The following IQGAP2 variants were observed in gnomAD, a reference collection of about 807,000 sequenced individuals.
IQGAP2 encodes IQ motif containing GTPase activating protein 2, also known as ras GTPase-activating-like protein IQGAP2.
IQGAP2 carries 173 observed loss-of-function variants against 201.3 expected under a neutral mutation model. The ratio of observed to expected loss-of-function variants is 0.86; its 90% CI spans 0.76 to 0.98. The LOEUF (loss-of-function observed/expected upper bound fraction) is 0.98, where lower values mean the gene tolerates loss of function less well. IQGAP2 is among the 50% of genes least tolerant of loss of function. The pLI is 0.00. For synonymous variants in IQGAP2, 675 were observed against 673.9 expected (o/e 1.00, Z -0.03); for missense variants, 1,687 against 1,864.8 (o/e 0.90, Z 1.76).
At chr5:76,412,961 A>G (rs900183254) in intron 1 of IQGAP2, among the ~76,000 whole-genome samples, 1 of 152,060 alleles carries the variant, frequency 6.6e-6, no homozygotes, top group African/African-American at 2.4e-5. Flanking sequence ...GTGTGCTCCC[A>G]TGGAGTCAAC....
chr5:76,593,054 T>G, intron 9 of IQGAP2, 129 bp downstream of exon 9: 1 of 691,320 alleles, frequency 1.4e-6, no homozygotes, highest in Non-Finnish European at 2.6e-6. Context: ...ATCTACTCAG[T>G]GTCAGTGTTG....
At chr5:76,656,584 A>C (rs1486043974) in intron 20 of IQGAP2, among the ~76,000 whole-genome samples, 1 of 151,976 alleles carries the variant, frequency 6.6e-6, no homozygotes, top group Non-Finnish European at 1.5e-5. Context: ...GATGACTTCA[A>C]AATAAATTTT....
chr5:76,622,958 A>G (rs1344778278), intron 13 of IQGAP2, among the ~76,000 whole-genome samples: 1 of 152,230 alleles, frequency 6.6e-6, no homozygotes, highest in Non-Finnish European at 1.5e-5. Context: ...TTTAAACATC[A>G]GGAGGGAACA....
chr5:76,656,039 A>G (rs1432905165), intron 20 of IQGAP2, among the ~76,000 whole-genome samples: 2 of 152,202 alleles, frequency 1.3e-5, no homozygotes, highest in African/African-American at 4.8e-5. Context: ...ATGGCTCAAG[A>G]AAGATCTTCC....
At chr5:76,579,589 T>C (rs1561480212) in intron 5 of IQGAP2, among the ~76,000 whole-genome samples, 1 of 152,026 alleles carries the variant, frequency 6.6e-6, no homozygotes, top group Non-Finnish European at 1.5e-5. Flanking sequence ...CATTGTATAA[T>C]CCATTGTCCT....
intron 33 of IQGAP2, among the ~76,000 whole-genome samples, chr5:76,698,423 A>G (rs1158641322): frequency 6.6e-6 from 1 of 152,216 alleles, no homozygotes; most frequent in Non-Finnish European, 1.5e-5. Flanking sequence ...CACTTTCATT[A>G]TTCCTTTTGT....
chr5:76,623,308 G>C, intron 13 of IQGAP2: 2 of 1,526,252 alleles, frequency 1.3e-6, no homozygotes, highest in Non-Finnish European at 1.8e-6. Flanking sequence ...TCAGTTCCAT[G>C]TGTCAGCAGC....
chr5:76,441,511 AT>A (rs2150104565), intron 1 of IQGAP2: 1 of 985,422 alleles, frequency 1.0e-6, no homozygotes, highest in African/African-American at 1.7e-5. Flanking sequence ...GAAAGCGAGC[AT>A]GTTGGTAAGA....
In IQGAP2 at chr5:76,663,583, T is replaced by C. The variant is rs531570714; in HGVS notation, c.2530-1443T>C. 5.3e-5 allele frequency among the ~76,000 whole-genome samples: 8 copies of C among 152,310 alleles called. No homozygotes were observed. In the South Asian group the frequency reaches 1.7e-3, roughly 32 times the overall value. On this transcript the variant is annotated intron_variant, in intron 21 of 35. Coordinates refer to ENST00000274364, the MANE Select transcript of IQGAP2 (RefSeq NM_006633.5). ...AATAGAAAATATCAGCATGTACCAT[T>C]AGTGAGAGAGAGGGTGTATGTGTGT...
At chr5:76,496,023 A>G (rs1049458593) in intron 2 of IQGAP2, among the ~76,000 whole-genome samples, 9 of 152,226 alleles carry the variant, frequency 5.9e-5, no homozygotes, top group Non-Finnish European at 1.2e-4. Context: ...CACAGAGTGA[A>G]GCTCAGTGAA....
chr5:76,425,270 T>C (rs1042470336), intron 1 of IQGAP2, among the ~76,000 whole-genome samples: 1 of 152,226 alleles, frequency 6.6e-6, no homozygotes, highest in African/African-American at 2.4e-5. Context: ...TGACCACTAT[T>C]CTGGGAGACA....
intron 17 of IQGAP2, among the ~76,000 whole-genome samples, chr5:76,649,652 T>TACAA (rs1352245835): frequency 4.0e-5 from 6 of 151,760 alleles, no homozygotes; most frequent in African/African-American, 2.4e-5. Context: ...TCCAGGCACG[T>TACAA]GGTACAAGCT....
In IQGAP2 at chr5:76,623,936, C is replaced by CTTTTTTTTTTTTTTTTTTTTTTTTT. The variant is rs368076875; in HGVS notation, c.1522-3458_1522-3457insTTTTTTTTTTTTTTTTTTTTTTTTT. ...CGGGTGAGGATGGCGTTTGTTCAGG[C>CTTTTTTTTTTTTTTTTTTTTTTTTT]TTTTTTTTTTTTTTTTGCCTTATCT... On this transcript the variant is annotated intron_variant, in intron 13 of 35. Transcript: ENST00000274364. 2.0e-5 allele frequency among the ~76,000 whole-genome samples: 2 copies of CTTTTTTTTTTTTTTTTTTTTTTTTT among 100,782 alleles called. 1 individual carries two copies. The highest frequency in any genetic ancestry group is 3.8e-5 in the Non-Finnish European group (2 of 53,250). The allele number at this position is 100,782 out of a possible 152,430, so 66.1% of individuals were successfully genotyped here. A position where few individuals can be genotyped will look rare whatever the true frequency, so the allele number is the denominator to read the frequency against.
At chr5:76,599,247 A>G (rs900744908) in intron 10 of IQGAP2, among the ~76,000 whole-genome samples, 5 of 152,120 alleles carry the variant, frequency 3.3e-5, no homozygotes, top group African/African-American at 7.2e-5. Flanking sequence ...AAGACTCCCT[A>G]TGTTTCCTAA....
chr5:76,469,255 A>G (rs946821974), intron 2 of IQGAP2, among the ~76,000 whole-genome samples: 1 of 152,208 alleles, frequency 6.6e-6, no homozygotes, highest in Non-Finnish European at 1.5e-5. Context: ...AATATCCAGA[A>G]AGGCGTATAG....
intron 15 of IQGAP2, among the ~76,000 whole-genome samples, chr5:76,632,678 C>T (rs1390250518): frequency 1.3e-5 from 2 of 152,054 alleles, no homozygotes; most frequent in Non-Finnish European, 2.9e-5. Context: ...CTACTATTTC[C>T]TAGTGTCAAG....
chr5:76,502,540 T>A (rs184677065), intron 2 of IQGAP2, among the ~76,000 whole-genome samples: 7 of 152,208 alleles, frequency 4.6e-5, no homozygotes, highest in Non-Finnish European at 8.8e-5. Context: ...ACTTTGTGTA[T>A]GTTTGAATTC....
chr5:76,529,629 GAATAATAATAATAATAATAATAAT>G (rs57526049), intron 2 of IQGAP2, among the ~76,000 whole-genome samples: 28 of 139,068 alleles, frequency 2.0e-4, no homozygotes, highest in Middle Eastern at 3.7e-3. Context: ...CTCCCTCTCG[GAATAATAATAATAATAATAATAAT>G]AATAATAATA....
At chr5:76,617,731 C>T in intron 13 of IQGAP2, 2 of 1,613,890 alleles carry the variant, frequency 1.2e-6, no homozygotes, top group Non-Finnish European at 1.7e-6. Flanking sequence ...TAGTAGTTAG[C>T]ATGGTGAATA....
Sources: gnomAD v4.1 joint callset for allele counts (sites outside exome capture counted in the v4.1 genomes callset) on GRCh38, gnomAD v4.1.1 for gene constraint, MANE v1.5 for transcripts, NCBI Gene and HGNC (gene_info 2026-07-23, HGNC 2026-07-21) for gene names.